TCF12: variants seen among roughly 807,000 people sequenced by gnomAD.
TCF12 encodes transcription factor 12.
TCF12 carries 45 observed loss-of-function variants against 86.0 expected under a neutral mutation model. The observed-to-expected ratio is 0.52, with a 90% confidence interval of 0.41 to 0.67. TCF12 has a LOEUF of 0.67. TCF12 is among the 30% of genes least tolerant of loss of function. The pLI, the probability that TCF12 is intolerant of heterozygous loss-of-function variation, is 0.00. For missense variants in TCF12, 881 were observed against 859.9 expected, an observed-to-expected ratio of 1.02 and a Z score of -0.31; for synonymous variants, 330 against 299.6, an observed-to-expected ratio of 1.10 and a Z score of -1.05.
intron 5 of TCF12, among the ~76,000 whole-genome samples, chr15:57,112,726 A>G (rs971454365): frequency 3.3e-5 from 5 of 152,188 alleles, no homozygotes; most frequent in Admixed American, 6.5e-5. Context: ...TATGTGCTAA[A>G]CACTGTGCTT....
At chr15:57,159,412 G>T in intron 5 of TCF12, among the ~76,000 whole-genome samples, 1 of 152,168 alleles carries the variant, frequency 6.6e-6, no homozygotes, top group East Asian at 1.9e-4. Context: ...CCACAAAAGA[G>T]GAGCAGGTTC....
intron 9 of TCF12, among the ~76,000 whole-genome samples, chr15:57,231,717 C>T (rs531342820): frequency 3.3e-5 from 5 of 152,166 alleles, no homozygotes; most frequent in Admixed American, 3.3e-4. Context: ...TTTATTTGGT[C>T]TCCTGTGGTT....
At position 57,223,643 on chromosome 15, in the gene TCF12, G is replaced by GTTTTTTTTTTTTTTT. The variant is rs550493641; in HGVS notation, c.580-7495_580-7481dup. On this transcript the variant is annotated intron_variant, in intron 8 of 20. Transcript: ENST00000333725. Reference sequence around the variant, plus strand: ...GTTTTGGCACCTGCCTACCAATGAGGTTTTTTTTTTTTTTTTTTTTTTTTT... The same window carrying GTTTTTTTTTTTTTTT: ...GTTTTGGCACCTGCCTACCAATGAGGTTTTTTTTTTTTTTTTTTTTTTTTTTTTTTTTTTTTTTTT... Among the ~76,000 whole-genome samples the GTTTTTTTTTTTTTTT allele has an allele frequency of 7.0e-3, 485 of 69,624 alleles. 101 individuals carry two copies. The highest frequency in any genetic ancestry group is 0.011 in the Middle Eastern group (1 of 92). 45.7% of individuals were successfully genotyped at this position (69,624 alleles called of 152,430 possible).
At chr15:57,075,836 T>TCTCTCTCTCTC (rs1567371379) in intron 4 of TCF12, among the ~76,000 whole-genome samples, 34 of 22,362 alleles carry the variant, frequency 1.5e-3, no homozygotes, top group Non-Finnish European at 2.8e-3. Context: ...CTCTCTCTCT[T>TCTCTCTCTCTC]TTCTTTCTTT....
intron 3 of TCF12, among the ~76,000 whole-genome samples, chr15:56,989,004 A>C (rs1300926890): frequency 1.3e-5 from 2 of 152,168 alleles, no homozygotes; most frequent in Non-Finnish European, 2.9e-5. Context: ...GGTTATAGCA[A>C]TGACAATTTA....
intron 5 of TCF12, among the ~76,000 whole-genome samples, chr15:57,133,410 T>G (rs940490676): frequency 6.6e-6 from 1 of 152,214 alleles, no homozygotes; most frequent in African/African-American, 2.4e-5. Context: ...TGAAATGATG[T>G]GTGATTATGA....
intron 19 of TCF12, 37 bp from the exon 20 acceptor site, chr15:57,282,408 A>AG: frequency 1.2e-6 from 2 of 1,613,678 alleles, no homozygotes; most frequent in Non-Finnish European, 1.7e-6. Flanking sequence ...TCATAACTTA[A>AG]AACCATAGTG....
chr15:57,110,957 A>G (rs2050448146), intron 5 of TCF12, among the ~76,000 whole-genome samples: 1 of 152,170 alleles, frequency 6.6e-6, no homozygotes, highest in Admixed American at 6.5e-5. Context: ...CTGGGCTAAA[A>G]TGGGTCAGTG....
intron 5 of TCF12, among the ~76,000 whole-genome samples, chr15:57,143,647 CAA>C (rs1418624222): frequency 6.6e-6 from 1 of 152,060 alleles, no homozygotes; most frequent in Non-Finnish European, 1.5e-5. Flanking sequence ...AATAGGTTAA[CAA>C]GAGAAAGGCA....
chr15:56,980,591 C>G (rs1390886424), intron 3 of TCF12, among the ~76,000 whole-genome samples: 1 of 152,174 alleles, frequency 6.6e-6, no homozygotes, highest in Non-Finnish European at 1.5e-5. Context: ...CAGACTAAGG[C>G]ACTTTGCTCA....
chr15:57,024,707 TAAG>T (rs2065714631), intron 3 of TCF12, among the ~76,000 whole-genome samples: 2 of 152,170 alleles, frequency 1.3e-5, no homozygotes. Context: ...CATTCCATAG[TAAG>T]AAGAATAGTG....
At chr15:57,230,966 AC>A (rs1416520772) in intron 8 of TCF12, among the ~76,000 whole-genome samples, 185 bp from the exon 9 acceptor site, 20 of 151,402 alleles carry the variant, frequency 1.3e-4, no homozygotes, top group East Asian at 9.7e-4. Flanking sequence ...AAAAAAAAAA[AC>A]ATGTGGATGG....
At chr15:56,953,685 T>C (rs1346754540) in intron 3 of TCF12, among the ~76,000 whole-genome samples, 5 of 152,052 alleles carry the variant, frequency 3.3e-5, no homozygotes, top group African/African-American at 1.2e-4. Flanking sequence ...GTTTATATCA[T>C]ATAAGTTGTC....
At chr15:57,026,004 T>C (rs1166129550) in intron 3 of TCF12, among the ~76,000 whole-genome samples, 2 of 152,242 alleles carry the variant, frequency 1.3e-5, no homozygotes, top group Admixed American at 6.5e-5. Context: ...ACTGAGAATG[T>C]ACAGGAATAA....
intron 3 of TCF12, among the ~76,000 whole-genome samples, chr15:57,052,782 T>G (rs2067729813): frequency 6.6e-6 from 1 of 152,170 alleles, no homozygotes; most frequent in Non-Finnish European, 1.5e-5. Flanking sequence ...TGATACAGAG[T>G]AAGAGCTGAA....
Position 57,252,411 on chromosome 15 carries a change from A to G in TCF12, c.1189-10A>G, listed in dbSNP as rs1180721134. The G allele has an allele frequency of 6.2e-7, 1 of 1,613,090 alleles. No individual in the cohort carries two copies. Among genetic ancestry groups the G allele is most frequent in the Non-Finnish European group, 8.5e-7 (1 of 1,179,266 alleles). ...GTGCTTTGCCTCCTGTTCTGTCTTG[A>G]CTTTGCCAGAAAAATCGAGTTGAGC... On this transcript the variant is annotated splice_polypyrimidine_tract_variant and intron_variant, in intron 14 of 20. Transcript: ENST00000333725.
At chr15:57,280,734 A>G (rs1441229272) in intron 19 of TCF12, among the ~76,000 whole-genome samples, 1 of 152,258 alleles carries the variant, frequency 6.6e-6, no homozygotes, top group East Asian at 1.9e-4. Flanking sequence ...GGGTGGGGAC[A>G]TGGAAAAAGG....
At chr15:57,183,737 CTT>C (rs2056499226) in intron 6 of TCF12, among the ~76,000 whole-genome samples, 1 of 152,064 alleles carries the variant, frequency 6.6e-6, no homozygotes, top group Non-Finnish European at 1.5e-5. Context: ...GTGCTGTACA[CTT>C]TTATTTTTAG....
intron 3 of TCF12, among the ~76,000 whole-genome samples, chr15:56,963,117 A>G (rs1023685841): frequency 6.6e-5 from 10 of 151,050 alleles, no homozygotes; most frequent in African/African-American, 2.4e-4. Context: ...CAGCATTTAA[A>G]TACTCTTTAT....
Sources: allele counts gnomAD v4.1 joint callset (sites outside exome capture counted in the v4.1 genomes callset), GRCh38; gene constraint gnomAD v4.1.1; transcripts MANE v1.5; gene names NCBI Gene and HGNC (gene_info 2026-07-23, HGNC 2026-07-21).